CNR2: variants seen among roughly 807,000 people sequenced by gnomAD.
CNR2 encodes the protein cannabinoid receptor 2.
For missense variants in CNR2, 379 were observed against 439.9 expected, an observed-to-expected ratio of 0.86 and a Z score of 1.24; for synonymous variants, 172 against 182.2, an observed-to-expected ratio of 0.94 and a Z score of 0.45.
chr1:23,905,446 C>G (rs1157026768), intron 1 of CNR2, among the ~76,000 whole-genome samples: 1 of 151,316 alleles, frequency 6.6e-6, no homozygotes, highest in Non-Finnish European at 1.5e-5. Flanking sequence ...TCCCAAAGTT[C>G]TGGGATTACA....
At chr1:23,910,647 G>A (rs1457678088) in intron 1 of CNR2, among the ~76,000 whole-genome samples, 1 of 47,000 alleles carries the variant, frequency 2.1e-5, no homozygotes, top group African/African-American at 9.1e-5. Flanking sequence ...AGAGCAAAAC[G>A]CTGTCTCAAA....
At chr1:23,886,777 G>A (rs60347280) in intron 1 of CNR2, among the ~76,000 whole-genome samples, 1,846 of 152,330 alleles carry the variant, frequency 0.012, 41 homozygotes, top group African/African-American at 0.042. Flanking sequence ...CCCAACATAT[G>A]AGCAGCAGAG....
chr1:23,881,022 T>C (rs1010877524), intron 1 of CNR2, among the ~76,000 whole-genome samples: 22 of 151,706 alleles, frequency 1.5e-4, no homozygotes, highest in African/African-American at 5.1e-4. Flanking sequence ...ACACCTGTAA[T>C]CCCAGCACTT....
chr1:23,878,401 TAA>T (rs2148458155), intron 1 of CNR2, among the ~76,000 whole-genome samples: 1 of 151,448 alleles, frequency 6.6e-6, no homozygotes, highest in South Asian at 2.1e-4. Context: ...CCATGAAAAA[TAA>T]GACTATTCAG....
intron 1 of CNR2, among the ~76,000 whole-genome samples, chr1:23,890,684 G>T (rs1280696221): frequency 6.6e-6 from 1 of 150,964 alleles, no homozygotes; most frequent in Non-Finnish European, 1.5e-5. Context: ...GGCGAAGTTT[G>T]CAGTGAGCCG....
chr1:23,881,783 G>A (rs1046418409), intron 1 of CNR2, among the ~76,000 whole-genome samples: 2 of 150,794 alleles, frequency 1.3e-5, no homozygotes, highest in Non-Finnish European at 3.0e-5. Context: ...CCAGCTAGTC[G>A]GGAGGCTGAG....
intron 1 of CNR2, among the ~76,000 whole-genome samples, chr1:23,885,258 A>C (rs943987595): frequency 6.8e-6 from 1 of 146,892 alleles, no homozygotes; most frequent in Non-Finnish European, 1.5e-5. Flanking sequence ...GAGAAAGACC[A>C]CCATCTCCTT....
intron 1 of CNR2, among the ~76,000 whole-genome samples, chr1:23,894,834 A>G (rs1237791527): frequency 1.3e-5 from 2 of 152,078 alleles, no homozygotes; most frequent in Non-Finnish European, 2.9e-5. Flanking sequence ...TCTCTTGTCC[A>G]TTTATTTGAA....
In CNR2 at chr1:23,905,247, C is replaced by T. The variant is rs536211323; in HGVS notation, c.-46+7999G>A. ...TTGCCCAGGCTGGAGTGTAGTGCAT[C>T]TCGGCTCACTGCAACCTCCGCCTCC... On this transcript the variant is annotated intron_variant, in intron 1 of 1. Coordinates refer to ENST00000374472, the MANE Select transcript of CNR2 (RefSeq NM_001841.3). Among the ~76,000 whole-genome samples, 6 of 148,094 alleles carry T rather than the reference C, an allele frequency of 4.1e-5. No individual in the cohort carries two copies. The South Asian group carries it at 1.3e-3, about 31-fold the overall frequency.
intron 1 of CNR2, among the ~76,000 whole-genome samples, chr1:23,876,333 A>T (rs1451896345): frequency 3.3e-5 from 5 of 151,520 alleles, no homozygotes; most frequent in Non-Finnish European, 7.4e-5. Context: ...CAGCCTCCCA[A>T]GTAGCTGGGA....
intron 1 of CNR2, among the ~76,000 whole-genome samples, chr1:23,898,508 A>C (rs1474424686): frequency 1.4e-5 from 2 of 140,588 alleles, no homozygotes; most frequent in Non-Finnish European, 3.1e-5. Context: ...CGCCCGGCTA[A>C]TTTTTTGCAT....
chr1:23,899,673 G>A (rs1640348284), intron 1 of CNR2, among the ~76,000 whole-genome samples: 1 of 148,602 alleles, frequency 6.7e-6, no homozygotes, highest in African/African-American at 2.5e-5. Flanking sequence ...AAGTTAGCCA[G>A]GTGTGGTGGT....
In CNR2 at chr1:23,875,053, C is replaced by A; in HGVS notation, c.565G>T (p.Asp189Tyr). 6.2e-7 allele frequency: 1 copy of A among 1,604,250 alleles called. No homozygotes were observed. Among genetic ancestry groups the A allele is most frequent in the Non-Finnish European group, 8.5e-7 (1 of 1,175,560 alleles). The change falls in exon 2 of 2, where the codon GAC becomes TAC. Residue 189 changes from aspartate (D) to tyrosine (Y), a missense_variant. Physicochemically the swap from Asp to Tyr is radical, Grantham distance 160. Transcript: ENST00000374472. ...AACAGGAGCCAGCTCAGCAGGTAGTCATTGGGGATCAGTGGGAAAAGCTCA... is the reference window on the plus strand; with the variant it reads ...AACAGGAGCCAGCTCAGCAGGTAGTAATTGGGGATCAGTGGGAAAAGCTCA... ...CSELFPLIPN[D>Y]YLLSWLLFIA... is the part of the protein sequence containing the mutation.
At chr1:23,909,006 G>A (rs1640542874) in intron 1 of CNR2, among the ~76,000 whole-genome samples, 3 of 152,026 alleles carry the variant, frequency 2.0e-5, no homozygotes. Flanking sequence ...CTCCTCTCTG[G>A]GCAGTGGAAG....
At chr1:23,885,687 A>G (rs4648918) in intron 1 of CNR2, among the ~76,000 whole-genome samples, 109,491 of 150,664 alleles carry the variant, frequency 0.73, 40,470 homozygotes, top group Middle Eastern at 0.79. Flanking sequence ...AGACCAGCTC[A>G]GCCAACATGG....
intron 1 of CNR2, among the ~76,000 whole-genome samples, chr1:23,911,637 G>A (rs1005128734): frequency 2.4e-4 from 36 of 152,248 alleles, no homozygotes; most frequent in South Asian, 6.2e-4. Context: ...ATGCACACCC[G>A]AGGGTGTGCA....
intron 1 of CNR2, among the ~76,000 whole-genome samples, chr1:23,886,312 A>T (rs903790718): frequency 9.2e-5 from 14 of 152,156 alleles, no homozygotes; most frequent in Admixed American, 9.2e-4. Flanking sequence ...CAATCTGCAT[A>T]ACCCCTGTTT....
chr1:23,875,336 G>C lies in CNR2; in HGVS notation c.282C>G (p.Phe94Leu), dbSNP rs1488942624. ...TGGAATCCACACCATGGAAAACATGGAAATTCACAAAGCTGCATGCAAAGA... is the reference window on the plus strand; with the variant it reads ...TGGAATCCACACCATGGAAAACATGCAAATTCACAAAGCTGCATGCAAAGA... ...SVVFACSFVN[F>L]HVFHGVDSKA... The change falls in exon 2 of 2, where the codon TTC becomes TTG. Residue 94 changes from phenylalanine (F) to leucine (L), a missense_variant. Transcript: ENST00000374472. The C allele has an allele frequency of 1.9e-6, 3 of 1,614,206 alleles. No individual in the cohort carries two copies. Among genetic ancestry groups the C allele is most frequent in the Non-Finnish European group, 2.5e-6 (3 of 1,180,038 alleles).
Position 23,901,534 on chromosome 1 carries a change from C to G in CNR2, c.-46+11712G>C, listed in dbSNP as rs7523673. On this transcript the variant is annotated intron_variant, in intron 1 of 1. Transcript: ENST00000374472. ...GGACCCCAGTCCCGTTGGTGCTGTC[C>G]GAGGAGCACTGGAACTGGAAGGCCA... The G allele has an allele frequency of 3.1e-4, 497 of 1,607,540 alleles. No individual in the cohort carries two copies. The African/African-American group carries it at 5.8e-3, about 19-fold the overall frequency.
Sources: gnomAD v4.1 joint callset for allele counts (sites outside exome capture counted in the v4.1 genomes callset) on GRCh38, gnomAD v4.1.1 for gene constraint, MANE v1.5 for transcripts, NCBI Gene and HGNC (gene_info 2026-07-23, HGNC 2026-07-21) for gene names.